YWHAQ: variants seen among roughly 807,000 people sequenced by gnomAD.
YWHAQ encodes the protein 14-3-3 protein theta.
Under a neutral mutation model 28.3 loss-of-function variants are expected in YWHAQ, and 6 were observed. That is an observed-to-expected ratio of 0.21 (90% confidence interval 0.12 to 0.42). The LOEUF is 0.42. Ranked by LOEUF, YWHAQ falls within the 10% of genes least tolerant of loss-of-function variation. The pLI is 1.00. For synonymous variants in YWHAQ, 143 were observed against 119.1 expected (o/e 1.20, Z -1.31); for missense variants, 201 against 305.6 (o/e 0.66, Z 2.55).
At chr2:9,607,869 G>A (rs913446506) in intron 2 of YWHAQ, among the ~76,000 whole-genome samples, 5 of 151,822 alleles carry the variant, frequency 3.3e-5, no homozygotes, top group African/African-American at 9.7e-5. Flanking sequence ...CAGCTACCAC[G>A]CCTGGCTATT....
chr2:9,614,427 C>T (rs1353148550), intron 2 of YWHAQ, among the ~76,000 whole-genome samples: 1 of 152,096 alleles, frequency 6.6e-6, no homozygotes. Flanking sequence ...TGTTTTTTAG[C>T]CATTAATTTG....
chr2:9,607,998 G>A (rs965409130), intron 2 of YWHAQ, among the ~76,000 whole-genome samples: 3 of 152,066 alleles, frequency 2.0e-5, no homozygotes, highest in African/African-American at 7.2e-5. Flanking sequence ...GTGAGCCACC[G>A]AGCCTGGCCA....
At chr2:9,585,555 GACAT>G (rs552606855) in intron 5 of YWHAQ, among the ~76,000 whole-genome samples, 3 of 151,950 alleles carry the variant, frequency 2.0e-5, no homozygotes, top group Non-Finnish European at 2.9e-5. Flanking sequence ...CTTACAAAAT[GACAT>G]ACATACATAC....
intron 2 of YWHAQ, among the ~76,000 whole-genome samples, chr2:9,618,910 T>C (rs1667087543): frequency 6.6e-6 from 1 of 152,130 alleles, no homozygotes; most frequent in Non-Finnish European, 1.5e-5. Flanking sequence ...TTCAGGGCTT[T>C]TATAAATTTG....
chr2:9,613,486 G>A (rs575678694), intron 2 of YWHAQ, among the ~76,000 whole-genome samples: 2 of 152,292 alleles, frequency 1.3e-5, no homozygotes, highest in East Asian at 3.9e-4. Flanking sequence ...CAATCAAGTG[G>A]TTTATTATTT....
At chr2:9,587,610 A>G (rs1666371111) in intron 4 of YWHAQ, 101 bp from the exon 5 acceptor site, 2 of 964,530 alleles carry the variant, frequency 2.1e-6, no homozygotes, top group Non-Finnish European at 3.1e-6. Flanking sequence ...CACCCACCTT[A>G]TGTTCTACCA....
intron 2 of YWHAQ, among the ~76,000 whole-genome samples, chr2:9,606,898 T>C (rs1431939730): frequency 6.6e-6 from 1 of 151,854 alleles, no homozygotes; most frequent in Admixed American, 6.6e-5. Flanking sequence ...CTTTTTTTTT[T>C]TTTTGAGACA....
chr2:9,630,094 C>G lies in YWHAQ; in HGVS notation c.294+65G>C, dbSNP rs1009212767. 1.9e-6 allele frequency: 3 copies of G among 1,554,754 alleles called. No homozygotes were observed. The highest frequency in any genetic ancestry group is 2.6e-6 in the Non-Finnish European group (3 of 1,147,004). On this transcript the variant is annotated intron_variant, in intron 2 of 5. Transcript: ENST00000238081. This position sits in a 1 kb window ranked among gnomAD's most constrained non-coding sequence, Gnocchi z 5.6. ...CCCGGCTCACGTTTGTTTCCGTGCC[C>G]GCGAAACTCTCAATGAAAAGCATCT... is the stretch of plus-strand genomic sequence containing the variant.
chr2:9,626,205 A>ATGT (rs1458370941), intron 2 of YWHAQ, among the ~76,000 whole-genome samples: 3 of 152,316 alleles, frequency 2.0e-5, no homozygotes, highest in Non-Finnish European at 2.9e-5. Context: ...ATTCTACTAG[A>ATGT]ACTGATGTAC....
At chr2:9,585,422 T>C in intron 5 of YWHAQ, 77 bp from the exon 6 acceptor site, 5 of 1,506,890 alleles carry the variant, frequency 3.3e-6, no homozygotes, top group Non-Finnish European at 4.6e-6. Context: ...TATATCAAAA[T>C]TAACTACAAG....
chr2:9,600,630 G>C (rs1287671940), intron 2 of YWHAQ, among the ~76,000 whole-genome samples: 2 of 152,168 alleles, frequency 1.3e-5, no homozygotes, highest in African/African-American at 4.8e-5. Flanking sequence ...GATTGAACCC[G>C]GGAGGCAGAG....
intron 2 of YWHAQ, among the ~76,000 whole-genome samples, chr2:9,601,263 A>G (rs1666686566): frequency 6.6e-6 from 1 of 152,112 alleles, no homozygotes; most frequent in African/African-American, 2.4e-5. Context: ...AGGGTTTGAG[A>G]CCAGCCTGGC....
intron 3 of YWHAQ, among the ~76,000 whole-genome samples, chr2:9,589,880 T>C (rs1476989382): frequency 1.3e-5 from 2 of 152,234 alleles, no homozygotes; most frequent in Admixed American, 6.5e-5. Flanking sequence ...TAGTTTTCTG[T>C]ATGAGGCCAC....
At chr2:9,596,486 C>T (rs1666572663) in intron 2 of YWHAQ, among the ~76,000 whole-genome samples, 1 of 152,126 alleles carries the variant, frequency 6.6e-6, no homozygotes, top group African/African-American at 2.4e-5. Flanking sequence ...CCTTAAAATA[C>T]ACGCAAAATA....
rs764110865 is a variant in YWHAQ at position 9,585,393 on chromosome 2, TTACACTA to T, written c.679-55_679-49del. 16 of 1,588,490 alleles carry T rather than the reference TTACACTA, an allele frequency of 1.0e-5. No homozygotes were observed. The Admixed American group carries it at 2.7e-4, about 27-fold the overall frequency. On this transcript the variant is annotated intron_variant, in intron 5 of 5. Transcript: ENST00000238081. ...AAGTTACTATTTCTAGATTAGGCAA[TTACACTA>T]AGTAGTATTGTTATATCAAAATTAA...
chr2:9,602,371 C>T (rs1245453321), intron 2 of YWHAQ, among the ~76,000 whole-genome samples: 1 of 152,118 alleles, frequency 6.6e-6, no homozygotes, highest in Non-Finnish European at 1.5e-5. Context: ...CCTATGATCA[C>T]ACCACTGCAC....
At chr2:9,594,242 C>G (rs1666522869) in intron 2 of YWHAQ, among the ~76,000 whole-genome samples, 1 of 152,094 alleles carries the variant, frequency 6.6e-6, no homozygotes, top group South Asian at 2.1e-4. Flanking sequence ...TTATTGTGCT[C>G]AACATCACCA....
intron 2 of YWHAQ, among the ~76,000 whole-genome samples, chr2:9,595,455 A>G (rs1287808832): frequency 6.6e-6 from 1 of 152,206 alleles, no homozygotes; most frequent in Non-Finnish European, 1.5e-5. Context: ...CTGTTATCCC[A>G]GCACTTTGGG....
chr2:9,588,516 A>T (rs1345824947), intron 3 of YWHAQ, among the ~76,000 whole-genome samples, 188 bp from the exon 4 acceptor site: 1 of 152,188 alleles, frequency 6.6e-6, no homozygotes, highest in Admixed American at 6.5e-5. Flanking sequence ...CACGCCTATA[A>T]TCCCAGCACT....
Sources: allele counts gnomAD v4.1 joint callset (sites outside exome capture counted in the v4.1 genomes callset), GRCh38; gene constraint gnomAD v4.1.1; non-coding constraint Gnocchi (gnomAD v3.1); transcripts MANE v1.5; gene names NCBI Gene and HGNC (gene_info 2026-07-23, HGNC 2026-07-21).